Variants in RALYL observed in about 807,000 individuals in gnomAD.
RALYL encodes RALY RNA binding protein like, also known as RNA-binding Raly-like protein.
A neutral mutation model predicts 35.1 loss-of-function variants in RALYL; 29 were observed. The observed-to-expected ratio is 0.83, with a 90% CI of 0.61 to 1.13. The LOEUF is 1.13. Ranked by LOEUF, RALYL falls within the 50% of genes most tolerant of loss-of-function variation. RALYL has a pLI of 0.00. For missense variants in RALYL, 359 were observed against 360.4 expected, an observed-to-expected ratio of 1.00 and a Z score of 0.03; for synonymous variants, 120 against 127.6, an observed-to-expected ratio of 0.94 and a Z score of 0.40.
intron 1 of RALYL, among the ~76,000 whole-genome samples, chr8:84,228,576 T>C (rs996228579): frequency 2.0e-5 from 3 of 152,150 alleles, no homozygotes; most frequent in African/African-American, 7.2e-5. Flanking sequence ...CTTAGGATAG[T>C]AGGGAAGAGT....
intron 6 of RALYL, chr8:84,872,975 A>G (rs964924045): frequency 9.4e-6 from 2 of 212,510 alleles, no homozygotes; most frequent in African/African-American, 2.3e-5. Context: ...GATTTACTCT[A>G]TTTTGTAAAA....
At chr8:84,450,265 T>C (rs938220279) in intron 1 of RALYL, among the ~76,000 whole-genome samples, 1 of 151,942 alleles carries the variant, frequency 6.6e-6, no homozygotes, top group Non-Finnish European at 1.5e-5. Flanking sequence ...TTTTTAGTAA[T>C]CTGGGAGAAC....
intron 1 of RALYL, among the ~76,000 whole-genome samples, chr8:84,442,720 T>C (rs888913166): frequency 6.6e-6 from 1 of 152,128 alleles, no homozygotes; most frequent in African/African-American, 2.4e-5. Flanking sequence ...GAGGATACTC[T>C]GCGTATTGTT....
At chr8:84,707,328 T>C (rs994346555) in intron 2 of RALYL, among the ~76,000 whole-genome samples, 1 of 152,200 alleles carries the variant, frequency 6.6e-6, no homozygotes, top group Non-Finnish European at 1.5e-5. Flanking sequence ...TGCTGATTAA[T>C]TTTCTTGTGA....
chr8:84,499,334 A>G (rs778273628), intron 1 of RALYL, among the ~76,000 whole-genome samples: 6 of 152,168 alleles, frequency 3.9e-5, no homozygotes, highest in Non-Finnish European at 8.8e-5. Context: ...TTTGTTATCA[A>G]TAGAATACTT....
intron 2 of RALYL, among the ~76,000 whole-genome samples, chr8:84,633,244 C>T (rs1322711535): frequency 2.0e-5 from 3 of 151,632 alleles, no homozygotes; most frequent in Non-Finnish European, 4.4e-5. Flanking sequence ...CCTGGTTCAG[C>T]AATAGAGTTT....
chr8:84,520,475 T>C (rs3108677), intron 1 of RALYL, among the ~76,000 whole-genome samples: 9,734 of 152,244 alleles, frequency 0.064, 325 homozygotes, highest in East Asian at 0.14. Flanking sequence ...ACTTTTCTTC[T>C]TTGTAAAAAT....
chr8:84,208,195 A>C (rs1458953599), intron 1 of RALYL, among the ~76,000 whole-genome samples: 1 of 152,156 alleles, frequency 6.6e-6, no homozygotes, highest in Non-Finnish European at 1.5e-5. Flanking sequence ...GTAGAGTATT[A>C]AATTGTGAAA....
intron 2 of RALYL, among the ~76,000 whole-genome samples, chr8:84,638,747 C>A (rs899899626): frequency 1.3e-5 from 2 of 150,592 alleles, no homozygotes; most frequent in African/African-American, 4.9e-5. Flanking sequence ...AAACAATGAG[C>A]AGAATACCAG....
At chr8:84,312,832 G>T (rs1843060135) in intron 1 of RALYL, among the ~76,000 whole-genome samples, 1 of 152,144 alleles carries the variant, frequency 6.6e-6, no homozygotes, top group Non-Finnish European at 1.5e-5. Flanking sequence ...ACCATTCTGG[G>T]GTCTGGAGGA....
chr8:84,652,787 G>A (rs1056081602), intron 2 of RALYL, among the ~76,000 whole-genome samples: 11 of 151,764 alleles, frequency 7.2e-5, no homozygotes, highest in Admixed American at 1.3e-4. Flanking sequence ...TGGTTGTCTG[G>A]GACAGTTCTG....
At chr8:84,897,713 C>G (rs1354573380) in intron 8 of RALYL, among the ~76,000 whole-genome samples, 2 of 152,074 alleles carry the variant, frequency 1.3e-5, no homozygotes. Flanking sequence ...TTTAGTCACC[C>G]AGACACTTAT....
chr8:84,259,824 G>T (rs1474426667), intron 1 of RALYL, among the ~76,000 whole-genome samples: 1 of 152,140 alleles, frequency 6.6e-6, no homozygotes, highest in African/African-American at 2.4e-5. Flanking sequence ...CATGCTGTGT[G>T]TTTCAGCAGT....
chr8:84,447,796 G>A (rs895046129), intron 1 of RALYL, among the ~76,000 whole-genome samples: 3 of 152,014 alleles, frequency 2.0e-5, no homozygotes, highest in African/African-American at 7.2e-5. Flanking sequence ...AGTGTGAATA[G>A]TCAGAGCTGA....
intron 2 of RALYL, chr8:84,705,952 C>T (rs1450176682): frequency 7.2e-6 from 11 of 1,526,858 alleles, no homozygotes; most frequent in Non-Finnish European, 9.6e-6. Context: ...TACTGCAAAG[C>T]AGGAGCACAA....
At chr8:84,204,858 T>C (rs942774297) in intron 1 of RALYL, among the ~76,000 whole-genome samples, 7 of 152,172 alleles carry the variant, frequency 4.6e-5, no homozygotes, top group African/African-American at 1.7e-4. Context: ...TTTGAATTCT[T>C]ACTGTGGGCT....
intron 2 of RALYL, among the ~76,000 whole-genome samples, chr8:84,683,396 T>G (rs1836040756): frequency 6.6e-6 from 1 of 152,182 alleles, no homozygotes; most frequent in South Asian, 2.1e-4. Context: ...CTGGATAACC[T>G]TGTTAACTTT....
chr8:84,209,775 ATTTGGC>A (rs1819005433), intron 1 of RALYL, among the ~76,000 whole-genome samples: 1 of 152,164 alleles, frequency 6.6e-6, no homozygotes, highest in Admixed American at 6.5e-5. Context: ...GACAAAGTAG[ATTTGGC>A]ATTCAAGTAT....
chr8:84,429,799 C>T (rs532519047), intron 1 of RALYL, among the ~76,000 whole-genome samples: 1 of 152,124 alleles, frequency 6.6e-6, no homozygotes, highest in East Asian at 1.9e-4. Flanking sequence ...AAAAGGAAAA[C>T]ATGTCATTTA....
Sources: allele counts gnomAD v4.1 joint callset (sites outside exome capture counted in the v4.1 genomes callset), GRCh38; gene constraint gnomAD v4.1.1; transcripts MANE v1.5; gene names NCBI Gene and HGNC (gene_info 2026-07-23, HGNC 2026-07-21).